Variants in CATSPERE observed in about 807,000 individuals in gnomAD.
CATSPERE encodes the protein catsper channel auxiliary subunit epsilon, also known as cation channel sperm-associated auxiliary subunit epsilon.
In CATSPERE, 93 loss-of-function variants were observed where a neutral mutation model predicts 114.1. The observed-to-expected ratio is 0.81, with a 90% confidence interval of 0.69 to 0.97. The LOEUF (loss-of-function observed/expected upper bound fraction) is 0.97. Ranked by LOEUF, CATSPERE falls within the 50% of genes least tolerant of loss-of-function variation. CATSPERE has a pLI of 0.00. For synonymous variants in CATSPERE, 341 were observed against 384.1 expected (o/e 0.89, Z 1.31); for missense variants, 1,058 against 1,131.6 (o/e 0.93, Z 0.93).
chr1:244,553,934 T>G (rs1661188168), intron 9 of CATSPERE, among the ~76,000 whole-genome samples: 2 of 152,218 alleles, frequency 1.3e-5, no homozygotes, highest in East Asian at 3.9e-4. Context: ...TATTTGTCTT[T>G]CTGTGCCTGG....
intron 7 of CATSPERE, among the ~76,000 whole-genome samples, chr1:244,516,335 T>TTTG (rs1558409577): frequency 6.6e-6 from 1 of 151,000 alleles, no homozygotes; most frequent in African/African-American, 2.4e-5. Context: ...ATCAAGAGAG[T>TTTG]TTTGTTTGTT....
intron 18 of CATSPERE, among the ~76,000 whole-genome samples, chr1:244,608,845 C>G (rs1481047127): frequency 6.6e-6 from 1 of 152,058 alleles, no homozygotes; most frequent in Non-Finnish European, 1.5e-5. Context: ...GCTGTTAGGG[C>G]AACTTTAAAC....
chr1:244,600,357 CAA>C (rs34923679), intron 17 of CATSPERE, among the ~76,000 whole-genome samples: 21 of 93,992 alleles, frequency 2.2e-4, no homozygotes, highest in Admixed American at 6.1e-4. Flanking sequence ...CTACCTAGTC[CAA>C]AAAAAAAAAA....
intron 8 of CATSPERE, among the ~76,000 whole-genome samples, chr1:244,524,550 CCA>C (rs200158422): frequency 0.12 from 17,877 of 151,134 alleles, 1,767 homozygotes; most frequent in African/African-American, 0.27. Flanking sequence ...AGCGAACAGG[CCA>C]CCTACAAAAT....
rs1287679289 is a variant in CATSPERE at position 244,575,001 on chromosome 1, GTC to G, written c.1950+2234_1950+2235del. On this transcript the variant is annotated intron_variant, in intron 11 of 21. Transcript: ENST00000366534. The surrounding 1 kb of genome is among the most constrained non-coding windows in gnomAD (Gnocchi z 4.5). ...CTTTCTCTGATCTCTGTCTCTTTCA[GTC>G]TCTCGCTCACTTATTCTCTCCCTCT... 2.0e-5 allele frequency among the ~76,000 whole-genome samples: 3 copies of G among 151,712 alleles called. No individual in the cohort carries two copies. The highest frequency in any genetic ancestry group is 2.9e-5 in the Non-Finnish European group (2 of 67,958).
rs752562292 is a variant in CATSPERE at position 244,610,278 on chromosome 1, G to A, written c.2442G>A (p.Met814Ile). 4.3e-6 allele frequency: 7 copies of A among 1,613,182 alleles called. No individual in the cohort carries two copies. In the East Asian group the frequency reaches 1.6e-4, roughly 36 times the overall value. Residue 814 changes from methionine (M) to isoleucine (I), a missense_variant, in exon 19 of 22, where the codon ATG becomes ATA. Around this residue, in one of 2 missense-constraint regions of CATSPERE, gnomAD observed 787 missense variants for 905.6 expected, o/e 0.87. Transcript: ENST00000366534. Reference sequence around the variant, plus strand: ...ATGAAGCACAGACATGGAAGTCAATGATTGAACTTAACAAGCACCTCCCAC... The same window carrying A: ...ATGAAGCACAGACATGGAAGTCAATAATTGAACTTAACAAGCACCTCCCAC... ...CLHEAQTWKS[M>I]IELNKHLPLE...
chr1:244,466,031 G>A (rs1355409181), intron 2 of CATSPERE, among the ~76,000 whole-genome samples: 2 of 152,066 alleles, frequency 1.3e-5, no homozygotes, highest in Non-Finnish European at 2.9e-5. Flanking sequence ...AAAAATAGTC[G>A]CTATAAGTGA....
intron 1 of CATSPERE, among the ~76,000 whole-genome samples, chr1:244,462,119 A>G (rs746907425): frequency 1.7e-4 from 26 of 152,170 alleles, no homozygotes; most frequent in Middle Eastern, 3.4e-3. Context: ...GCCATGAGCT[A>G]TCGCGCCCCG....
chr1:244,632,455 CAT>C (rs1356168089), intron 20 of CATSPERE, among the ~76,000 whole-genome samples: 1 of 146,524 alleles, frequency 6.8e-6, no homozygotes, highest in African/African-American at 2.5e-5. Context: ...GGGTTTATAA[CAT>C]GTAATAAAAG....
intron 17 of CATSPERE, among the ~76,000 whole-genome samples, chr1:244,600,518 T>C (rs796068194): frequency 2.6e-5 from 4 of 152,276 alleles, no homozygotes; most frequent in African/African-American, 9.6e-5. Flanking sequence ...CTCCTATGGA[T>C]CTGAACTTAT....
upstream of CATSPERE, among the ~76,000 whole-genome samples, chr1:244,453,490 T>C (rs1285590505): frequency 6.6e-6 from 1 of 152,220 alleles, no homozygotes; most frequent in Non-Finnish European, 1.5e-5. Context: ...GTGAACCCCT[T>C]GGGCGGTTAC....
At chr1:244,451,903 T>G (rs570966218), upstream of CATSPERE, 104 of 1,349,868 alleles carry the variant, frequency 7.7e-5, no homozygotes, top group South Asian at 1.4e-3. This position sits in a 1 kb window ranked among gnomAD's most constrained non-coding sequence, Gnocchi z 6.6. Flanking sequence ...GCCAGCCACA[T>G]GCAGAGGAAG....
chr1:244,541,425 A>G (rs949572519), intron 8 of CATSPERE, among the ~76,000 whole-genome samples: 7 of 150,604 alleles, frequency 4.6e-5, no homozygotes, highest in African/African-American at 1.7e-4. Context: ...ATCACTGGCC[A>G]TCAGAGAAAT....
At chr1:244,489,481 T>C (rs1036642274) in intron 5 of CATSPERE, among the ~76,000 whole-genome samples, 1 of 99,304 alleles carries the variant, frequency 1.0e-5, no homozygotes, top group African/African-American at 3.9e-5. Context: ...TTTTTTTTTT[T>C]GGTGGAAAGA....
chr1:244,487,036 G>T, intron 5 of CATSPERE, among the ~76,000 whole-genome samples: 1 of 150,624 alleles, frequency 6.6e-6, no homozygotes, highest in East Asian at 2.0e-4. Flanking sequence ...TCGTGGGCCA[G>T]GTACAGACGC....
intron 7 of CATSPERE, among the ~76,000 whole-genome samples, chr1:244,509,653 A>G (rs963998683): frequency 1.3e-5 from 2 of 152,144 alleles, no homozygotes; most frequent in African/African-American, 4.8e-5. Context: ...GAGAACCGAT[A>G]TTAGTTATTC....
intron 19 of CATSPERE, among the ~76,000 whole-genome samples, chr1:244,615,509 G>A (rs936978962): frequency 7.3e-5 from 11 of 151,192 alleles, no homozygotes; most frequent in African/African-American, 2.4e-4. Flanking sequence ...AGATAACTAG[G>A]CGATATGATA....
chr1:244,509,613 C>T (rs1040325817), intron 7 of CATSPERE, among the ~76,000 whole-genome samples: 2 of 152,050 alleles, frequency 1.3e-5, no homozygotes, highest in African/African-American at 4.8e-5. Context: ...GGAGAATTTC[C>T]TCCCCTTCAA....
intron 5 of CATSPERE, among the ~76,000 whole-genome samples, chr1:244,484,089 A>T (rs572802650): frequency 3.3e-5 from 5 of 152,122 alleles, no homozygotes; most frequent in Non-Finnish European, 7.4e-5. Flanking sequence ...TCTCTTTCAC[A>T]TATCAATTTT....
Sources: allele counts gnomAD v4.1 joint callset (sites outside exome capture counted in the v4.1 genomes callset), GRCh38; gene constraint gnomAD v4.1.1; regional missense constraint gnomAD v4.1.1; non-coding constraint Gnocchi (gnomAD v3.1); transcripts MANE v1.5; gene names NCBI Gene and HGNC (gene_info 2026-07-23, HGNC 2026-07-21).